The following ZNF670 variants were observed in gnomAD, a reference collection of about 807,000 sequenced individuals.
ZNF670 encodes the protein zinc finger protein 670.
In ZNF670, 7 loss-of-function variants were observed where a neutral mutation model predicts 10.9. The observed-to-expected ratio is 0.64, with a 90% CI of 0.36 to 1.20. The LOEUF (loss-of-function observed/expected upper bound fraction) is 1.20. Ranked by LOEUF, ZNF670 falls within the 50% of genes most tolerant of loss-of-function variation. The pLI, the probability that ZNF670 is intolerant of heterozygous loss-of-function variation, is 0.02. For missense variants in ZNF670, 446 were observed against 458.6 expected (o/e 0.97, Z 0.25); for synonymous variants, 136 against 152.7 (o/e 0.89, Z 0.81).
At chr1:247,062,476 T>C (rs1670881067) in intron 1 of ZNF670, among the ~76,000 whole-genome samples, 1 of 152,194 alleles carries the variant, frequency 6.6e-6, no homozygotes, top group South Asian at 2.1e-4. Flanking sequence ...TGAAATACAC[T>C]TTACATTTAA....
At chr1:247,042,753 G>A (rs1457083984) in intron 1 of ZNF670, 1 of 428,136 alleles carries the variant, frequency 2.3e-6, no homozygotes, top group Non-Finnish European at 4.3e-6. Context: ...AGGCATAAAA[G>A]GCAATGGTCA....
chr1:247,034,944 A>G lies in ZNF670; in HGVS notation c.*2505T>C, dbSNP rs1222584009. Among the ~76,000 whole-genome samples, 1 of 152,234 alleles carries G rather than the reference A, an allele frequency of 6.6e-6. No individual in the cohort carries two copies. The highest frequency in any genetic ancestry group is 1.5e-5 in the Non-Finnish European group (1 of 68,046). On this transcript the variant is annotated 3_prime_UTR_variant, in exon 4 of 4. Coordinates refer to ENST00000366503, the MANE Select transcript of ZNF670 (RefSeq NM_033213.5). The stretch of plus-strand genomic sequence containing the variant: ...CCTGCCAAACACAGGTCAAGGTGGA[A>G]CATACATCCTCCTGGGGAACGGCTG...
chr1:247,063,538 G>C (rs190291355), intron 1 of ZNF670, among the ~76,000 whole-genome samples: 1 of 146,104 alleles, frequency 6.8e-6, no homozygotes, highest in Non-Finnish European at 1.5e-5. Context: ...AGCCGAGATC[G>C]TGCCACTGCA....
chr1:247,054,383 T>A (rs76546223), intron 1 of ZNF670, among the ~76,000 whole-genome samples: 3,919 of 152,214 alleles, frequency 0.026, 194 homozygotes, highest in African/African-American at 0.089. Flanking sequence ...AGCTCATGGC[T>A]CCAAAAGGGA....
At chr1:247,063,787 C>T (rs1356396420) in intron 1 of ZNF670, among the ~76,000 whole-genome samples, 1 of 152,176 alleles carries the variant, frequency 6.6e-6, no homozygotes, top group Non-Finnish European at 1.5e-5. Context: ...ACCCTGCACA[C>T]CAAGTGAAAA....
At chr1:247,069,506 A>C (rs10802463) in intron 1 of ZNF670, among the ~76,000 whole-genome samples, 2 of 150,776 alleles carry the variant, frequency 1.3e-5, no homozygotes. Flanking sequence ...GTATATAGCC[A>C]AAAGAAAGGA....
chr1:247,034,941 G>A lies in ZNF670; in HGVS notation c.*2508C>T, dbSNP rs1670111664. On this transcript the variant is annotated 3_prime_UTR_variant, in exon 4 of 4. Coordinates refer to ENST00000366503, the MANE Select transcript of ZNF670 (RefSeq NM_033213.5). Reference sequence around the variant, plus strand: ...CTGCCTGCCAAACACAGGTCAAGGTGGAACATACATCCTCCTGGGGAACGG... The same window carrying A: ...CTGCCTGCCAAACACAGGTCAAGGTAGAACATACATCCTCCTGGGGAACGG... Among the ~76,000 whole-genome samples, 1 of 152,198 alleles carries A rather than the reference G, an allele frequency of 6.6e-6. No individual in the cohort carries two copies. The highest frequency in any genetic ancestry group is 1.5e-5 in the Non-Finnish European group (1 of 68,028).
chr1:247,041,511 A>T (rs1029198661), intron 1 of ZNF670, among the ~76,000 whole-genome samples: 7 of 152,202 alleles, frequency 4.6e-5, no homozygotes, highest in Non-Finnish European at 1.0e-4. Context: ...AGAAGAAAAA[A>T]ATCAACTCCA....
At chr1:247,046,223 G>C (rs1670444295) in intron 1 of ZNF670, among the ~76,000 whole-genome samples, 2 of 152,208 alleles carry the variant, frequency 1.3e-5, no homozygotes, top group South Asian at 4.1e-4. Flanking sequence ...GTAAGAGAGA[G>C]TTGCACAACT....
intron 1 of ZNF670, among the ~76,000 whole-genome samples, chr1:247,071,575 T>C (rs1280393473): frequency 6.6e-6 from 1 of 152,240 alleles, no homozygotes; most frequent in African/African-American, 2.4e-5. Context: ...CCAGTGATAT[T>C]TGACCCATGT....
At chr1:247,058,988 C>T (rs549034252) in intron 1 of ZNF670, among the ~76,000 whole-genome samples, 1 of 152,256 alleles carries the variant, frequency 6.6e-6, no homozygotes, top group Middle Eastern at 3.4e-3. Context: ...TACGCTCTTC[C>T]AGAAAACAGA....
chr1:247,057,310 T>A (rs1001723341), intron 1 of ZNF670, among the ~76,000 whole-genome samples: 2 of 152,138 alleles, frequency 1.3e-5, no homozygotes, highest in Admixed American at 1.3e-4. Flanking sequence ...GATATCTCAT[T>A]CCCATTAAAA....
chr1:247,041,495 T>G (rs59442047), intron 1 of ZNF670, among the ~76,000 whole-genome samples: 8,892 of 152,182 alleles, frequency 0.058, 454 homozygotes, highest in African/African-American at 0.14. Context: ...ACATTTGAAA[T>G]TGACTAGAAG....
intron 1 of ZNF670, among the ~76,000 whole-genome samples, chr1:247,072,828 ATATATATATATG>A (rs1475231998): frequency 3.0e-4 from 31 of 101,990 alleles, no homozygotes; most frequent in Non-Finnish European, 4.4e-4. Context: ...ATATATATAT[ATATATATATATG>A]CATACACACA....
At chr1:247,045,788 G>A (rs939815877) in intron 1 of ZNF670, among the ~76,000 whole-genome samples, 3 of 152,128 alleles carry the variant, frequency 2.0e-5, no homozygotes, top group African/African-American at 4.8e-5. Context: ...AAAAAGACAG[G>A]GAGATGAGGA....
intron 1 of ZNF670, among the ~76,000 whole-genome samples, chr1:247,077,355 T>G (rs1463385687): frequency 6.6e-6 from 1 of 152,200 alleles, no homozygotes; most frequent in Non-Finnish European, 1.5e-5. Context: ...CCAAGAGATC[T>G]GGCTGCTAAA....
intron 1 of ZNF670, among the ~76,000 whole-genome samples, chr1:247,077,740 T>C (rs569175051): frequency 5.1e-4 from 78 of 152,314 alleles, no homozygotes; most frequent in African/African-American, 1.8e-3. Context: ...CCAGAAGAGT[T>C]AGGCTGTGGG....
intron 1 of ZNF670, among the ~76,000 whole-genome samples, chr1:247,077,583 G>A (rs79740868): frequency 0.019 from 2,869 of 151,542 alleles, 48 homozygotes; most frequent in Non-Finnish European, 0.028. Flanking sequence ...TTTTAAGAGT[G>A]AAAACAAATA....
intron 1 of ZNF670, among the ~76,000 whole-genome samples, chr1:247,046,035 A>T (rs2103055995): frequency 6.6e-6 from 1 of 152,300 alleles, no homozygotes; most frequent in Admixed American, 6.5e-5. Context: ...CCAGAGGAAG[A>T]CATTTCTAAG....
Sources: allele counts gnomAD v4.1 joint callset (sites outside exome capture counted in the v4.1 genomes callset), GRCh38; gene constraint gnomAD v4.1.1; transcripts MANE v1.5; gene names NCBI Gene and HGNC (gene_info 2026-07-23, HGNC 2026-07-21).